NRXN3: variants seen among roughly 807,000 people sequenced by gnomAD.
The protein encoded by NRXN3 is neurexin 3.
In NRXN3, 32 loss-of-function variants were observed where a neutral mutation model predicts 137.6. The observed-to-expected ratio is 0.23, with a 90% CI of 0.18 to 0.31. The LOEUF is 0.31. Ranked by LOEUF, NRXN3 falls within the 10% of genes least tolerant of loss-of-function variation. The probability of loss-of-function intolerance (pLI) is 1.00; values close to 1 mark genes in which losing one functional copy is unlikely to be tolerated. For missense variants in NRXN3, 1,574 were observed against 2,062.5 expected (o/e 0.76, Z 4.59); for synonymous variants, 798 against 784.5 (o/e 1.02, Z -0.29).
At chr14:78,665,251 T>C (rs956823805) in intron 6 of NRXN3, among the ~76,000 whole-genome samples, 1 of 152,170 alleles carries the variant, frequency 6.6e-6, no homozygotes, top group Admixed American at 6.5e-5. Context: ...GGGTAATTTA[T>C]AAAGGAAACA....
chr14:79,377,428 T>C (rs1338279280), intron 15 of NRXN3, among the ~76,000 whole-genome samples: 1 of 152,174 alleles, frequency 6.6e-6, no homozygotes, highest in African/African-American at 2.4e-5. Flanking sequence ...GTAGTGTTTT[T>C]GAGTTATCCG....
intron 15 of NRXN3, among the ~76,000 whole-genome samples, chr14:79,053,479 C>G (rs2099645011): frequency 1.3e-5 from 2 of 152,140 alleles, no homozygotes; most frequent in Admixed American, 1.3e-4. Context: ...CGATATCTAC[C>G]TTTCCTTGAT....
At chr14:79,341,730 G>A (rs766587331) in intron 15 of NRXN3, among the ~76,000 whole-genome samples, 17 of 152,176 alleles carry the variant, frequency 1.1e-4, no homozygotes, top group Admixed American at 2.0e-4. Context: ...GAACATGTAA[G>A]TGTGAGGTCA....
intron 10 of NRXN3, among the ~76,000 whole-genome samples, chr14:78,821,908 A>G (rs1199350797): frequency 6.6e-6 from 1 of 152,210 alleles, no homozygotes; most frequent in South Asian, 2.1e-4. Flanking sequence ...CTTTCCGGTC[A>G]TCATAAATAG....
intron 4 of NRXN3, among the ~76,000 whole-genome samples, chr14:78,592,965 C>T (rs2097129518): frequency 2.0e-5 from 3 of 152,158 alleles, no homozygotes; most frequent in Non-Finnish European, 4.4e-5. Flanking sequence ...GGTCTGATGT[C>T]GTCGTCATCG....
rs2099414725 is a variant in NRXN3, at chr14:79,862,138, A to T, written c.*174A>T. 5.0e-6 allele frequency: 3 copies of T among 601,908 alleles called. No homozygotes were observed. The Admixed American group carries it at 9.1e-5, about 18-fold the overall frequency. The allele number at this position is 601,908 out of a possible 1,614,324, so 37.3% of individuals were successfully genotyped here. A position where few individuals can be genotyped will look rare whatever the true frequency, so the allele number is the denominator to read the frequency against. On this transcript the variant is annotated 3_prime_UTR_variant, in exon 21 of 21. Transcript: ENST00000335750. ...TTAAAGGACACACACACACACAGCG[A>T]TGCATCTCTCTCTAAAGCTCAGCCA...
chr14:79,166,872 G>A (rs370656796), intron 15 of NRXN3, among the ~76,000 whole-genome samples: 25 of 152,038 alleles, frequency 1.6e-4, no homozygotes, highest in Admixed American at 1.1e-3. Flanking sequence ...TATGAGAATT[G>A]CATATGGTTA....
At chr14:79,081,787 A>G (rs2047069513) in intron 15 of NRXN3, among the ~76,000 whole-genome samples, 1 of 152,128 alleles carries the variant, frequency 6.6e-6, no homozygotes, top group South Asian at 2.1e-4. Flanking sequence ...TCCTCATAGT[A>G]AACCAAAAAT....
intron 10 of NRXN3, among the ~76,000 whole-genome samples, chr14:78,949,922 T>C (rs773085411): frequency 4.6e-5 from 7 of 152,146 alleles, no homozygotes; most frequent in Non-Finnish European, 1.0e-4. Flanking sequence ...AGAAATGTAT[T>C]AGGGGATGGT....
chr14:79,301,701 T>G (rs1305581269), intron 15 of NRXN3, among the ~76,000 whole-genome samples: 1 of 151,878 alleles, frequency 6.6e-6, no homozygotes, highest in Non-Finnish European at 1.5e-5. Flanking sequence ...GAGATTAATA[T>G]CCAAGTGTGT....
At chr14:78,177,583 C>T (rs118106590) in intron 1 of NRXN3, among the ~76,000 whole-genome samples, 2,242 of 152,076 alleles carry the variant, frequency 0.015, 16 homozygotes, top group Non-Finnish European at 0.023. Flanking sequence ...AAAAGTGTCC[C>T]GGTTTGGATG....
At chr14:79,037,255 G>C (rs984886004) in intron 15 of NRXN3, among the ~76,000 whole-genome samples, 6 of 151,984 alleles carry the variant, frequency 3.9e-5, no homozygotes, top group Non-Finnish European at 5.9e-5. Context: ...AACCAAAGCT[G>C]AGATAAAAAG....
chr14:79,049,420 T>C (rs1379199312), intron 15 of NRXN3, among the ~76,000 whole-genome samples: 1 of 152,198 alleles, frequency 6.6e-6, no homozygotes, highest in Non-Finnish European at 1.5e-5. Flanking sequence ...TTTTCTCCTG[T>C]ACTTCTGTTC....
chr14:79,270,591 T>C (rs2079155375), intron 15 of NRXN3, among the ~76,000 whole-genome samples: 1 of 152,172 alleles, frequency 6.6e-6, no homozygotes, highest in South Asian at 2.1e-4. Flanking sequence ...GATTTCAGAA[T>C]TCATGATTCC....
At chr14:79,032,664 TCTC>T (rs2099609978) in intron 15 of NRXN3, among the ~76,000 whole-genome samples, 1 of 152,190 alleles carries the variant, frequency 6.6e-6, no homozygotes, top group Non-Finnish European at 1.5e-5. Context: ...TTAAATTCAT[TCTC>T]CACCTTGCAG....
At chr14:78,265,995 A>G (rs1175602269) in intron 2 of NRXN3, among the ~76,000 whole-genome samples, 3 of 152,206 alleles carry the variant, frequency 2.0e-5, no homozygotes, top group Non-Finnish European at 4.4e-5. Context: ...GATAATGTGA[A>G]AAGAATATAT....
At chr14:79,595,984 T>C (rs1020017240) in intron 16 of NRXN3, among the ~76,000 whole-genome samples, 1 of 151,912 alleles carries the variant, frequency 6.6e-6, no homozygotes, top group Non-Finnish European at 1.5e-5. Context: ...GTTTTCCTGA[T>C]GGTTCATGCC....
intron 10 of NRXN3, among the ~76,000 whole-genome samples, chr14:78,812,197 C>T (rs1454800089): frequency 6.6e-6 from 1 of 152,174 alleles, no homozygotes; most frequent in Non-Finnish European, 1.5e-5. Flanking sequence ...TGCTCCTACC[C>T]ATCGTCCTAG....
chr14:79,106,623 C>T (rs1568306504), intron 15 of NRXN3, among the ~76,000 whole-genome samples: 1 of 152,104 alleles, frequency 6.6e-6, no homozygotes, highest in African/African-American at 2.4e-5. Flanking sequence ...CTCCTCTGGA[C>T]ACATCATATA....
Sources: allele counts gnomAD v4.1 joint callset (sites outside exome capture counted in the v4.1 genomes callset), GRCh38; gene constraint gnomAD v4.1.1; transcripts MANE v1.5; gene names NCBI Gene and HGNC (gene_info 2026-07-23, HGNC 2026-07-21).